Variants in ARL5C observed in about 807,000 individuals in gnomAD.
The protein encoded by ARL5C is putative ADP-ribosylation factor-like protein 5C.
Under a neutral mutation model 20.8 loss-of-function variants are expected in ARL5C, and 21 were observed. The ratio of observed to expected loss-of-function variants is 1.01; its 90% CI spans 0.72 to 1.46. The LOEUF (loss-of-function observed/expected upper bound fraction) is 1.46. Ranked by LOEUF, ARL5C falls within the 40% of genes most tolerant of loss-of-function variation. The probability of loss-of-function intolerance (pLI) is 0.00; values close to 1 mark genes in which losing one functional copy is unlikely to be tolerated. For missense variants in ARL5C, 199 were observed against 225.1 expected, an observed-to-expected ratio of 0.88 and a Z score of 0.74; for synonymous variants, 71 against 81.6, an observed-to-expected ratio of 0.87 and a Z score of 0.70.
At chr17:39,157,078 T>G (rs2045409198) in intron 5 of ARL5C, 136 bp from the exon 6 acceptor site, 2 of 962,786 alleles carry the variant, frequency 2.1e-6, no homozygotes, top group Non-Finnish European at 3.1e-6. Context: ...AGAGATGAAC[T>G]GGCTTGAGTA....
intron 2 of ARL5C, among the ~76,000 whole-genome samples, chr17:39,163,345 C>CCTTTCTTTCTCTCTTT (rs1555576108): frequency 7.3e-6 from 1 of 136,740 alleles, no homozygotes; most frequent in African/African-American, 2.6e-5. Flanking sequence ...CAGGCTTTTG[C>CCTTTCTTTCTCTCTTT]CTTTCTTTCT....
intron 5 of ARL5C, among the ~76,000 whole-genome samples, chr17:39,159,444 C>G (rs1470070091): frequency 1.3e-5 from 2 of 151,642 alleles, no homozygotes; most frequent in Admixed American, 6.6e-5. Flanking sequence ...TTACAGGCAT[C>G]TGCCACCACA....
chr17:39,159,756 T>G (rs9908532), intron 5 of ARL5C, among the ~76,000 whole-genome samples: 2 of 152,200 alleles, frequency 1.3e-5, no homozygotes, highest in Non-Finnish European at 2.9e-5. Context: ...CAAGAAAGAT[T>G]TGTGTACTGA....
chr17:39,165,603 A>T, intron 1 of ARL5C, 112 bp downstream of exon 1: 3 of 1,379,400 alleles, frequency 2.2e-6, no homozygotes, highest in Non-Finnish European at 2.0e-6. Flanking sequence ...AGGAGCGCCC[A>T]TATACGACCC....
chr17:39,161,297 CCCG>C lies in ARL5C; in HGVS notation c.307_309del (p.Arg103del). 6.4e-7 allele frequency: 1 copy of C among 1,551,862 alleles called. No individual in the cohort carries two copies. The highest frequency in any genetic ancestry group is 1.2e-5 in the South Asian group (1 of 84,058). On this transcript the variant is annotated inframe_deletion, in exon 4 of 6. Coordinates refer to ENST00000269586, the MANE Select transcript of ARL5C (RefSeq NM_001143968.1). The stretch of plus-strand genomic sequence containing the variant: ...TGGGCCAGCATTTTATATAGCTCCT[CCCG>C]AGTGGTCAGCAGCCGATCCCGGTCC...
At chr17:39,156,868 T>G (rs1220031551), downstream of ARL5C, 2 of 1,551,436 alleles carry the variant, frequency 1.3e-6, no homozygotes, top group African/African-American at 2.7e-5. Flanking sequence ...AACCCCAAAG[T>G]TTCTGGTTGA....
At position 39,159,790 on chromosome 17, in the gene ARL5C, A is replaced by G. The variant is rs763804391; in HGVS notation, c.491+801T>C. 5.3e-5 allele frequency among the ~76,000 whole-genome samples: 8 copies of G among 151,942 alleles called. No homozygotes were observed. In the East Asian group the frequency reaches 1.4e-3, roughly 26 times the overall value. On this transcript the variant is annotated intron_variant, in intron 5 of 5. Transcript: ENST00000269586. ...GAATGGTGTCATTTACTCTACAGAAACTCTAGGAGGTATAATGATCCTCTT... is the reference window on the plus strand; with the variant it reads ...GAATGGTGTCATTTACTCTACAGAAGCTCTAGGAGGTATAATGATCCTCTT...
At chr17:39,157,035 G>A in intron 5 of ARL5C, 93 bp from the exon 6 acceptor site, 1 of 1,370,466 alleles carries the variant, frequency 7.3e-7, no homozygotes, top group Non-Finnish European at 1.0e-6. Context: ...ACTGGGTGCA[G>A]GAACCAAAGT....
chr17:39,165,163 G>A (rs1357081097), intron 1 of ARL5C, 24 bp from the exon 2 acceptor site: 2 of 1,551,116 alleles, frequency 1.3e-6, no homozygotes, highest in Non-Finnish European at 1.7e-6. Context: ...AGGAAGGGCA[G>A]CGTCAGGGCC....
rs1459669150 is a variant in ARL5C at position 39,165,092 on chromosome 17, T to A, written c.94A>T (p.Ile32Phe). Residue 32 changes from isoleucine (I) to phenylalanine (F), a missense_variant, in exon 2 of 6, where the codon ATT becomes TTT. Transcript: ENST00000269586. ...AGAGTCACTTACAACCGGTAGAGAA[T>A]GGTGGTCTTTCCTTCATTGTCCAGT... ...VGLDNEGKTT[I>F]LYRFLTNEVV... The A allele has an allele frequency of 6.4e-7, 1 of 1,551,654 alleles. No individual in the cohort carries two copies. Among genetic ancestry groups the A allele is most frequent in the African/African-American group, 1.4e-5 (1 of 73,126 alleles).
chr17:39,159,799 G>A (rs1293614498), intron 5 of ARL5C, among the ~76,000 whole-genome samples: 1 of 152,138 alleles, frequency 6.6e-6, no homozygotes, highest in African/African-American at 2.4e-5. Flanking sequence ...AACTCTAGGA[G>A]GTATAATGAT....
At chr17:39,162,428 G>T (rs1438607702) in intron 3 of ARL5C, among the ~76,000 whole-genome samples, 1 of 152,116 alleles carries the variant, frequency 6.6e-6, no homozygotes, top group Non-Finnish European at 1.5e-5. Context: ...AGCCTCCCGA[G>T]TAGCTGGGAT....
At chr17:39,159,721 C>T (rs2045425318) in intron 5 of ARL5C, among the ~76,000 whole-genome samples, 1 of 152,226 alleles carries the variant, frequency 6.6e-6, no homozygotes, top group African/African-American at 2.4e-5. Context: ...GTGCCTAGAA[C>T]AGTACCTGGC....
intron 5 of ARL5C, among the ~76,000 whole-genome samples, chr17:39,158,875 G>A (rs1244500743): frequency 2.6e-5 from 4 of 151,600 alleles, no homozygotes; most frequent in Non-Finnish European, 5.9e-5. Flanking sequence ...TGGGGGTCTG[G>A]ATATGTTGCC....
At chr17:39,158,095 CG>C (rs2045415408) in intron 5 of ARL5C, among the ~76,000 whole-genome samples, 1 of 123,256 alleles carries the variant, frequency 8.1e-6, no homozygotes, top group Non-Finnish European at 1.6e-5. Context: ...AAGTGGCCGT[CG>C]AAGAAAGGGA....
chr17:39,156,807 T>G, downstream of ARL5C: 1 of 1,470,738 alleles, frequency 6.8e-7, no homozygotes, highest in Non-Finnish European at 9.3e-7. Flanking sequence ...TAGAGAACCA[T>G]AGAAAAGTAA....
intron 3 of ARL5C, among the ~76,000 whole-genome samples, chr17:39,161,722 C>T (rs1010554117): frequency 6.6e-6 from 1 of 152,090 alleles, no homozygotes; most frequent in Non-Finnish European, 1.5e-5. Context: ...CCATGTTGGC[C>T]AGGATGGTCT....
intron 5 of ARL5C, among the ~76,000 whole-genome samples, chr17:39,158,259 G>A (rs898318922): frequency 6.6e-6 from 1 of 152,150 alleles, no homozygotes; most frequent in Non-Finnish European, 1.5e-5. Context: ...GGGTGGCAAG[G>A]ACACTGCTAG....
Position 39,165,841 on chromosome 17 carries a change from C to G in ARL5C, c.-81G>C, listed in dbSNP as rs563041686. 6 of 1,501,250 alleles carry G rather than the reference C, an allele frequency of 4.0e-6. No individual in the cohort carries two copies. The African/African-American group carries it at 8.3e-5, about 21-fold the overall frequency. The allele number at this position is 1,501,250 out of a possible 1,614,324, so 93.0% of individuals were successfully genotyped here. ...CGGCCCTGGTATTCGGAGCTCCGCT[C>G]CCCCGGGAGGGTCTGGCAGATTTTG... On this transcript the variant is annotated 5_prime_UTR_variant, in exon 1 of 6. Coordinates refer to ENST00000269586, the MANE Select transcript of ARL5C (RefSeq NM_001143968.1).
Sources: gnomAD v4.1 joint callset for allele counts (sites outside exome capture counted in the v4.1 genomes callset) on GRCh38, gnomAD v4.1.1 for gene constraint, MANE v1.5 for transcripts, NCBI Gene and HGNC (gene_info 2026-07-23, HGNC 2026-07-21) for gene names.